Variants in RAI2 observed in about 807,000 individuals in gnomAD.
The protein encoded by RAI2 is retinoic acid-induced protein 2.
A neutral mutation model predicts 15.3 loss-of-function variants in RAI2; 5 were observed. That is an observed-to-expected ratio of 0.33 (90% confidence interval 0.17 to 0.69). The LOEUF is 0.69. Ranked by LOEUF, RAI2 falls within the 30% of genes least tolerant of loss-of-function variation. RAI2 has a pLI of 0.69. For synonymous variants in RAI2, 191 were observed against 184.0 expected, an observed-to-expected ratio of 1.04 and a Z score of -0.31; for missense variants, 424 against 424.7, an observed-to-expected ratio of 1.00 and a Z score of 0.01.
chrX:17,833,265 T>C (rs949712080), intron 1 of RAI2, among the ~76,000 whole-genome samples: 1 of 111,749 alleles, frequency 8.9e-6, no homozygotes, highest in African/African-American at 3.3e-5. Context: ...CTCAGGCCTG[T>C]AATCTCAGCA....
At chrX:17,835,695 G>C (rs1175490042) in intron 1 of RAI2, among the ~76,000 whole-genome samples, 1 of 111,388 alleles carries the variant, frequency 9.0e-6, no homozygotes, top group African/African-American at 3.3e-5. Flanking sequence ...ACTGCCCTAA[G>C]CCCCACCTCC....
chrX:17,830,743 G>T (rs1002144781), intron 1 of RAI2, among the ~76,000 whole-genome samples: 4 of 110,810 alleles, frequency 3.6e-5, no homozygotes, highest in African/African-American at 9.9e-5. Context: ...GGTGTGTGTG[G>T]GGGGGTGTTA....
chrX:17,820,890 TAA>T (rs55976503), intron 1 of RAI2, among the ~76,000 whole-genome samples: 7 of 97,614 alleles, frequency 7.2e-5, no homozygotes, highest in South Asian at 9.3e-4. Context: ...CATTCTTTTG[TAA>T]AAAAAAAAAA....
intron 1 of RAI2, among the ~76,000 whole-genome samples, chrX:17,838,503 T>C (rs1274926745): frequency 9.0e-6 from 1 of 111,544 alleles, no homozygotes; most frequent in African/African-American, 3.3e-5. Flanking sequence ...GAGAAAATGT[T>C]TGAGAGGGTT....
chrX:17,856,780 T>A, intron 1 of RAI2, among the ~76,000 whole-genome samples: 1 of 112,106 alleles, frequency 8.9e-6, no homozygotes, highest in Middle Eastern at 4.6e-3. Flanking sequence ...CTTCTTCCAA[T>A]AACAATTCTG....
intron 1 of RAI2, among the ~76,000 whole-genome samples, chrX:17,843,877 A>G (rs977690693): frequency 1.8e-5 from 2 of 112,508 alleles, no homozygotes; most frequent in Non-Finnish European, 3.8e-5. Context: ...TTTCTTCAAT[A>G]TTTCATTTTA....
At chrX:17,815,759 T>G (rs1476401018) in intron 1 of RAI2, among the ~76,000 whole-genome samples, 1 of 111,402 alleles carries the variant, frequency 9.0e-6, no homozygotes, top group Non-Finnish European at 1.9e-5. Flanking sequence ...TTGCCATTCC[T>G]TTCAATGGTA....
chrX:17,809,772 T>G (rs963254025), intron 1 of RAI2, among the ~76,000 whole-genome samples: 5 of 110,365 alleles, frequency 4.5e-5, no homozygotes, highest in Non-Finnish European at 9.5e-5. Flanking sequence ...CCTTCTGGGT[T>G]TTTTTGTGTT....
At chrX:17,829,088 C>T (rs1360824899) in intron 1 of RAI2, among the ~76,000 whole-genome samples, 1 of 110,599 alleles carries the variant, frequency 9.0e-6, no homozygotes, top group Non-Finnish European at 1.9e-5. Flanking sequence ...AGTAGAATGT[C>T]CTGAGCACTC....
At position 17,801,507 on chromosome X, in the gene RAI2, G is replaced by T. The variant is rs1341483110; in HGVS notation, c.504C>A (p.Leu168=). ...GAEDPEAQPQ[L]LDLRIPSQPQ... is the part of the protein sequence containing the mutation. ...GCTGGCTGGGGATCCTCAGGTCCAG[G>T]AGCTGGGGCTGGGCCTCGGGGTCCT... The change falls in exon 2 of 2, where the codon CTC becomes CTA. Residue 168 remains leucine (L), a synonymous_variant. Coordinates refer to ENST00000451717, the MANE Select transcript of RAI2 (RefSeq NM_021785.6). 1 of 1,194,648 alleles carries T rather than the reference G, an allele frequency of 8.4e-7. No homozygotes were observed. The highest frequency in any genetic ancestry group is 3.0e-5 in the East Asian group (1 of 33,674).
intron 1 of RAI2, among the ~76,000 whole-genome samples, chrX:17,855,030 C>T (rs1271216401): frequency 8.9e-6 from 1 of 111,755 alleles, no homozygotes; most frequent in African/African-American, 3.3e-5. Context: ...TGTGATGATA[C>T]CATAGTGCCA....
chrX:17,843,311 G>T (rs753211923), intron 1 of RAI2, among the ~76,000 whole-genome samples: 10 of 111,585 alleles, frequency 9.0e-5, no homozygotes, highest in Non-Finnish European at 1.7e-4. Context: ...TGAGAACAAT[G>T]CTCTGGAAAA....
chrX:17,843,261 C>T (rs2067419549), intron 1 of RAI2, among the ~76,000 whole-genome samples: 1 of 111,519 alleles, frequency 9.0e-6, no homozygotes, highest in Non-Finnish European at 1.9e-5. Flanking sequence ...AGCTGTGTTG[C>T]GACAGTGCTC....
intron 1 of RAI2, among the ~76,000 whole-genome samples, chrX:17,857,255 T>G (rs983695512): frequency 3.6e-5 from 4 of 111,677 alleles, no homozygotes; most frequent in Non-Finnish European, 7.5e-5. Flanking sequence ...CTCCCTCATA[T>G]TCTGTTCAGG....
At chrX:17,802,371 A>G (rs2066924850) in intron 1 of RAI2, among the ~76,000 whole-genome samples, 1 of 112,608 alleles carries the variant, frequency 8.9e-6, no homozygotes, top group Non-Finnish European at 1.9e-5. Context: ...GTTTCAGTCC[A>G]AGTTGCTATG....
intron 1 of RAI2, among the ~76,000 whole-genome samples, chrX:17,855,500 G>T (rs1328606271): frequency 1.8e-5 from 2 of 112,080 alleles, no homozygotes; most frequent in South Asian, 3.8e-4. Flanking sequence ...TAGAGCATGA[G>T]ACTGAGCCAA....
intron 1 of RAI2, among the ~76,000 whole-genome samples, chrX:17,834,958 A>C (rs2067318405): frequency 9.0e-6 from 1 of 111,504 alleles, no homozygotes; most frequent in African/African-American, 3.3e-5. Context: ...TAGAGAGATC[A>C]GGCCCAGATA....
At position 17,800,890 on chromosome X, in the gene RAI2, A is replaced by C. The variant is rs763763643; in HGVS notation, c.1121T>G (p.Val374Gly). The change falls in exon 2 of 2, where the codon GTG becomes GGG. Residue 374 changes from valine (V) to glycine (G), a missense_variant. Coordinates refer to ENST00000451717, the MANE Select transcript of RAI2 (RefSeq NM_021785.6). ...GASVDSSGHT[V>G]MEKLPSGMEI... ...CATGCCACTGGGAAGTTTCTCCATCACTGTGTGACCTGAGCTGTCCACTGA... is the reference window on the plus strand; with the variant it reads ...CATGCCACTGGGAAGTTTCTCCATCCCTGTGTGACCTGAGCTGTCCACTGA... 2.5e-6 allele frequency: 3 copies of C among 1,211,094 alleles called. No individual in the cohort carries two copies. In the South Asian group the frequency reaches 5.3e-5, roughly 21 times the overall value.
At chrX:17,810,161 C>T (rs1317249338) in intron 1 of RAI2, among the ~76,000 whole-genome samples, 1 of 111,324 alleles carries the variant, frequency 9.0e-6, no homozygotes, top group East Asian at 2.8e-4. Context: ...CACTGACTCC[C>T]AGACCCGTTC....
Sources: allele counts gnomAD v4.1 joint callset (sites outside exome capture counted in the v4.1 genomes callset), GRCh38; gene constraint gnomAD v4.1.1; transcripts MANE v1.5; gene names NCBI Gene and HGNC (gene_info 2026-07-23, HGNC 2026-07-21).